SUPT6H: variants seen among roughly 807,000 people sequenced by gnomAD.
SUPT6H encodes the protein transcription elongation factor SPT6.
A neutral mutation model predicts 222.3 loss-of-function variants in SUPT6H; 11 were observed. The ratio of observed to expected loss-of-function variants is 0.05; its 90% CI spans 0.03 to 0.08. The LOEUF (loss-of-function observed/expected upper bound fraction) is 0.08. Ranked by LOEUF, SUPT6H falls within the 10% of genes least tolerant of loss-of-function variation. SUPT6H has a pLI of 1.00. For synonymous variants in SUPT6H, 762 were observed against 801.2 expected (o/e 0.95, Z 0.83); for missense variants, 1,422 against 2,216.0 (o/e 0.64, Z 7.19).
At chr17:28,686,227 G>A in intron 19 of SUPT6H, 112 bp from the exon 20 acceptor site, 1 of 972,412 alleles carries the variant, frequency 1.0e-6, no homozygotes, top group Non-Finnish European at 1.6e-6. Flanking sequence ...CCTTGGACCA[G>A]ATATCTTCTG....
chr17:28,679,739 C>T (rs1427648605), intron 11 of SUPT6H, among the ~76,000 whole-genome samples: 1 of 151,750 alleles, frequency 6.6e-6, no homozygotes, highest in Admixed American at 6.6e-5. Context: ...CGCTTGTAAT[C>T]CTGGCACTTT....
In SUPT6H at chr17:28,697,673, C is replaced by T; in HGVS notation, c.4263C>T (p.Ser1421=). Residue 1421 remains serine, a synonymous_variant, in exon 31 of 37, where the codon TCC becomes TCT. Coordinates refer to ENST00000314616, the MANE Select transcript of SUPT6H (RefSeq NM_003170.5). ...CTCGCTATGTCCAGCCCATGGCATC[C>T]TTTGCCCGGGACCTTCTGAATCACA... ...IVARYVQPMA[S]FARDLLNHKY... 6.2e-7 allele frequency: 1 copy of T among 1,614,250 alleles called. No homozygotes were observed. Among genetic ancestry groups the T allele is most frequent in the Non-Finnish European group, 8.5e-7 (1 of 1,180,050 alleles).
chr17:28,673,354 CTCTTT>C lies in SUPT6H; in HGVS notation c.-31-11_-31-7del. On this transcript the variant is annotated splice_polypyrimidine_tract_variant and intron_variant, in intron 1 of 36. Coordinates refer to ENST00000314616, the MANE Select transcript of SUPT6H (RefSeq NM_003170.5). Reference sequence around the variant, plus strand: ...CATGTGTCCGTTTTTTTATCCTTCACTCTTTTCTTTCCCTAGTTATCTTCAGGCAG... The same window carrying C: ...CATGTGTCCGTTTTTTTATCCTTCACTCTTTCCCTAGTTATCTTCAGGCAG... 1.3e-6 allele frequency: 2 copies of C among 1,495,480 alleles called. No individual in the cohort carries two copies. Among genetic ancestry groups the C allele is most frequent in the African/African-American group, 1.4e-5 (1 of 72,440 alleles). 92.6% of individuals were successfully genotyped at this position (1,495,480 alleles called of 1,614,324 possible).
rs1035002610 is a variant in SUPT6H, at chr17:28,682,818, C to T, written c.1689C>T (p.Pro563=). The T allele has an allele frequency of 1.5e-5, 25 of 1,614,022 alleles. No individual in the cohort carries two copies. The highest frequency in any genetic ancestry group is 5.0e-5 in the Admixed American group (3 of 59,988). The stretch of plus-strand genomic sequence containing the variant: ...AGCGGCACGAGACAGAGCAGTTTCC[C>T]GCGGAGCCCTTGGAGCTGGCCAAGG... ...SYQRHETEQF[P]AEPLELAKDY... is the part of the protein sequence containing the mutation. The change falls in exon 14 of 37, where the codon CCC becomes CCT. Residue 563 remains proline (P), a synonymous_variant. Coordinates refer to ENST00000314616, the MANE Select transcript of SUPT6H (RefSeq NM_003170.5).
intron 27 of SUPT6H, chr17:28,691,903 G>C (rs910849984): frequency 1.3e-5 from 2 of 151,770 alleles, no homozygotes; most frequent in African/African-American, 4.8e-5. Context: ...CAAAATGGCA[G>C]ACAGGCATGG....
At position 28,688,442 on chromosome 17, in the gene SUPT6H, C is replaced by T; in HGVS notation, c.3134+224C>T. The T allele has an allele frequency of 2.6e-6, 1 of 380,538 alleles. No homozygotes were observed. The highest frequency in any genetic ancestry group is 2.1e-5 in the African/African-American group (1 of 47,694). The allele number at this position is 380,538 out of a possible 1,614,324, so 23.6% of individuals were successfully genotyped here. A position where few individuals can be genotyped will look rare whatever the true frequency, so the allele number is the denominator to read the frequency against. On this transcript the variant is annotated intron_variant, in intron 24 of 36. Transcript: ENST00000314616. The surrounding 1 kb of genome is among the most constrained non-coding windows in gnomAD (Gnocchi z 4.3). ...GTGAGAGAAACATAAAAAGTACCAG[C>T]TTAGCTTATAAATTAAGCATGGAAA...
Position 28,674,272 on chromosome 17 carries a change from A to G in SUPT6H, c.110-11A>G, listed in dbSNP as rs750964948. 6 of 1,613,950 alleles carry G rather than the reference A, an allele frequency of 3.7e-6. No homozygotes were observed. In the African/African-American group the frequency reaches 6.7e-5, roughly 18 times the overall value. On this transcript the variant is annotated splice_polypyrimidine_tract_variant and intron_variant, in intron 2 of 36. Coordinates refer to ENST00000314616, the MANE Select transcript of SUPT6H (RefSeq NM_003170.5). ...TTCAGTCTCCATGCCTCAAACATGC[A>G]TGTCTTCCAGATGAGGAGGAGGAGG...
intron 4 of SUPT6H, 82 bp from the exon 5 acceptor site, chr17:28,674,888 G>A: frequency 6.7e-7 from 1 of 1,483,374 alleles, no homozygotes; most frequent in Non-Finnish European, 9.2e-7. Flanking sequence ...ATTGTGGTGG[G>A]AAGAAGGGAG....
chr17:28,698,331 T>G (rs1024855977), intron 32 of SUPT6H, among the ~76,000 whole-genome samples: 2 of 152,166 alleles, frequency 1.3e-5, no homozygotes, highest in Non-Finnish European at 2.9e-5. Flanking sequence ...TTGCAGAAAC[T>G]GGGGGCCAGT....
At chr17:28,677,910 C>A in intron 8 of SUPT6H, 94 bp downstream of exon 8, 1 of 1,348,110 alleles carries the variant, frequency 7.4e-7, no homozygotes, top group Non-Finnish European at 1.1e-6. Flanking sequence ...CATCCGTGTG[C>A]CTGGTATTAG....
chr17:28,691,207 C>T, intron 27 of SUPT6H, 144 bp downstream of exon 27: 1 of 1,138,890 alleles, frequency 8.8e-7, no homozygotes, highest in Non-Finnish European at 1.2e-6. Context: ...GGGAAACACA[C>T]AGGTTTAGCA....
In SUPT6H at chr17:28,697,984, C is replaced by G; in HGVS notation, c.4402C>G (p.Leu1468Val). The change falls in exon 32 of 37, where the codon CTG becomes GTG. Residue 1468 changes from leucine (L) to valine (V), a missense_variant. Leu to Val is a conservative substitution (Grantham distance 32). Transcript: ENST00000314616. ...IPYFICACKE[L>V]PGKFLLGYQP... is the part of the protein sequence containing the mutation. Reference sequence around the variant, plus strand: ...TTATTTCATCTGTGCCTGCAAGGAACTGCCCGGCAAGTTCCTACTGGGATA... The same window carrying G: ...TTATTTCATCTGTGCCTGCAAGGAAGTGCCCGGCAAGTTCCTACTGGGATA... 1 of 1,613,578 alleles carries G rather than the reference C, an allele frequency of 6.2e-7. No homozygotes were observed. The highest frequency in any genetic ancestry group is 8.5e-7 in the Non-Finnish European group (1 of 1,180,036).
chr17:28,699,632 C>T (rs1337033603), intron 32 of SUPT6H, 149 bp from the exon 33 acceptor site: 3 of 735,930 alleles, frequency 4.1e-6, no homozygotes, highest in Non-Finnish European at 7.5e-6. Context: ...TGCTGCTCAC[C>T]TCCCTTCACA....
At position 28,697,088 on chromosome 17, in the gene SUPT6H, A is replaced by G; in HGVS notation, c.4209+6A>G. ...CTCTGTGGATCAACAGTGAGGTGAG[A>G]GCCAGTGCCTGCCCACCTCCCATCC... On this transcript the variant is annotated splice_donor_region_variant and intron_variant, in intron 30 of 36. Coordinates refer to ENST00000314616, the MANE Select transcript of SUPT6H (RefSeq NM_003170.5). The G allele has an allele frequency of 1.9e-6, 3 of 1,612,454 alleles. No individual in the cohort carries two copies. Among genetic ancestry groups the G allele is most frequent in the Non-Finnish European group, 2.5e-6 (3 of 1,178,640 alleles).
At chr17:28,677,633 C>T (rs941960995) in intron 7 of SUPT6H, 82 bp from the exon 8 acceptor site, 10 of 956,986 alleles carry the variant, frequency 1.0e-5, no homozygotes, top group African/African-American at 1.6e-5. Flanking sequence ...GATGATCACA[C>T]GTTTCTGTCC....
At position 28,690,931 on chromosome 17, in the gene SUPT6H, C is replaced by T; in HGVS notation, c.3501C>T (p.Ile1167=). The T allele has an allele frequency of 1.2e-6, 2 of 1,613,430 alleles. No individual in the cohort carries two copies. The highest frequency in any genetic ancestry group is 1.1e-5 in the South Asian group (1 of 91,058). ...TPETFYIGKL[I]ICNVTGIAHR... ...TTTTCCTTCTTGCAGGAAAGCTCAT[C>T]ATCTGCAATGTCACTGGCATTGCCC... The change falls in exon 27 of 37, where the codon ATC becomes ATT. Residue 1167 remains isoleucine, a synonymous_variant. Coordinates refer to ENST00000314616, the MANE Select transcript of SUPT6H (RefSeq NM_003170.5).
Position 28,698,229 on chromosome 17 carries a change from G to A in SUPT6H, c.4448+199G>A, listed in dbSNP as rs191411127. 1.4e-3 allele frequency among the ~76,000 whole-genome samples: 213 copies of A among 152,324 alleles called. 2 individuals carry two copies. Among genetic ancestry groups the A allele is most frequent in the Non-Finnish European group, 2.6e-3 (175 of 68,032 alleles). ...AAAAAGGCAAGGATTCACATAAGAA[G>A]GGCGCTTTCCTTAACACCGTGAGAA... On this transcript the variant is annotated intron_variant, in intron 32 of 36. Coordinates refer to ENST00000314616, the MANE Select transcript of SUPT6H (RefSeq NM_003170.5).
chr17:28,689,243 A>G, intron 24 of SUPT6H, 111 bp from the exon 25 acceptor site: 12 of 942,454 alleles, frequency 1.3e-5, no homozygotes, highest in Non-Finnish European at 2.0e-5. Flanking sequence ...ATAGTATTCC[A>G]TTGTATGGAG....
rs183179755 is a variant in SUPT6H at position 28,698,899 on chromosome 17, G to A, written c.4448+869G>A. The stretch of plus-strand genomic sequence containing the variant: ...TCCAGAGGCCAGCAGCCAGGGCTAA[G>A]TGGGGCTGGAAACTGTGTCCTGTGT... On this transcript the variant is annotated intron_variant, in intron 32 of 36. Transcript: ENST00000314616. 2.5e-3 allele frequency among the ~76,000 whole-genome samples: 379 copies of A among 152,284 alleles called. 3 individuals carry two copies. Among genetic ancestry groups the A allele is most frequent in the African/African-American group, 8.6e-3 (359 of 41,548 alleles).
Sources: gnomAD v4.1 joint callset for allele counts (sites outside exome capture counted in the v4.1 genomes callset) on GRCh38, gnomAD v4.1.1 for gene constraint, Gnocchi (gnomAD v3.1) non-coding constraint, MANE v1.5 for transcripts, NCBI Gene and HGNC (gene_info 2026-07-23, HGNC 2026-07-21) for gene names.